CRTAP: variants seen among roughly 807,000 people sequenced by gnomAD.
CRTAP encodes the protein cartilage-associated protein.
Under a neutral mutation model 42.7 loss-of-function variants are expected in CRTAP, and 33 were observed. That is an observed-to-expected ratio of 0.77 (90% CI 0.59 to 1.03). The LOEUF (loss-of-function observed/expected upper bound fraction) is 1.03, where lower values mean the gene tolerates loss of function less well. Among genes scored for constraint, CRTAP ranks in the 50% least tolerant of loss-of-function variants. The pLI is 0.00. For missense variants in CRTAP, 613 were observed against 533.9 expected (o/e 1.15, Z -1.46); for synonymous variants, 243 against 217.7 (o/e 1.12, Z -1.02).
chr3:33,138,872 G>A (rs767611875), intron 6 of CRTAP, among the ~76,000 whole-genome samples: 4 of 152,146 alleles, frequency 2.6e-5, no homozygotes, highest in Non-Finnish European at 4.4e-5. Context: ...GCTGGGTGTG[G>A]TGGCTCACAC....
intron 4 of CRTAP, among the ~76,000 whole-genome samples, chr3:33,130,525 C>CTTTTTTTTTT (rs765558103): frequency 4.7e-3 from 261 of 55,292 alleles, no homozygotes; most frequent in Non-Finnish European, 5.9e-3. Flanking sequence ...CTTTTCTTTT[C>CTTTTTTTTTT]TTTTTTTTTT....
At chr3:33,127,099 CTTT>C (rs11302536) in intron 3 of CRTAP, among the ~76,000 whole-genome samples, 3 of 135,894 alleles carry the variant, frequency 2.2e-5, no homozygotes, top group Admixed American at 7.3e-5. Flanking sequence ...AGATTTGTGG[CTTT>C]TTTTTTTTTT....
At position 33,120,416 on chromosome 3, in the gene CRTAP, A is replaced by C. The variant is rs761859224; in HGVS notation, c.544A>C (p.Lys182Gln). Residue 182 changes from lysine (K) to glutamine (Q), a missense_variant, in exon 2 of 7, where the codon AAG (lysine) becomes CAG (glutamine). Coordinates refer to ENST00000320954, the MANE Select transcript of CRTAP (RefSeq NM_006371.5). ...LLKHPDDEMM[K>Q]RNMAYYKSLP... ...GAAGCATCCTGATGACGAAATGATG[A>C]AGAGGAACATGGCATATTATAAGAG... 3 of 1,613,968 alleles carry C rather than the reference A, an allele frequency of 1.9e-6. No homozygotes were observed. Among genetic ancestry groups the C allele is most frequent in the African/African-American group, 2.7e-5 (2 of 75,042 alleles).
chr3:33,129,628 T>C (rs1448013882), intron 3 of CRTAP, among the ~76,000 whole-genome samples: 3 of 150,322 alleles, frequency 2.0e-5, no homozygotes, highest in Admixed American at 6.6e-5. Context: ...AGCTCCACCT[T>C]CCGGGTTCAC....
intron 1 of CRTAP, among the ~76,000 whole-genome samples, chr3:33,117,325 A>C (rs1701354288): frequency 6.6e-6 from 1 of 152,080 alleles, no homozygotes; most frequent in South Asian, 2.1e-4. Context: ...TGATCACTGG[A>C]ATAGCAATGG....
chr3:33,142,362 C>T (rs1354115792), intron 6 of CRTAP, 33 bp from the exon 7 acceptor site: 10 of 1,585,406 alleles, frequency 6.3e-6, no homozygotes, highest in African/African-American at 1.3e-5. Context: ...TCCAATAGCC[C>T]ATTTAATAAA....
At position 33,143,185 on chromosome 3, in the gene CRTAP, T is replaced by G. The variant is rs2030628532; in HGVS notation, c.*737T>G. 1 of 152,284 alleles carries G rather than the reference T, an allele frequency of 6.6e-6. No homozygotes were observed. The highest frequency in any genetic ancestry group is 2.1e-4 in the South Asian group (1 of 4,838). The allele number at this position is 152,284 out of a possible 1,614,324, so 9.4% of individuals were successfully genotyped here. On this transcript the variant is annotated 3_prime_UTR_variant, in exon 7 of 7. Coordinates refer to ENST00000320954, the MANE Select transcript of CRTAP (RefSeq NM_006371.5). ...AGATGATAATTGTGAAAACCTCCTTTGGCTTATTTGCTTTTCCAGATTTTA... is the reference window on the plus strand; with the variant it reads ...AGATGATAATTGTGAAAACCTCCTTGGGCTTATTTGCTTTTCCAGATTTTA...
At chr3:33,124,700 A>G in intron 3 of CRTAP, 121 bp downstream of exon 3, 1 of 1,158,442 alleles carries the variant, frequency 8.6e-7, no homozygotes, top group East Asian at 2.3e-5. Flanking sequence ...GAGCATACTT[A>G]TTAACGGGTA....
In CRTAP at chr3:33,114,228, G is replaced by T; in HGVS notation, c.151G>T (p.Ala51Ser). 1 of 1,592,048 alleles carries T rather than the reference G, an allele frequency of 6.3e-7. No individual in the cohort carries two copies. Residue 51 changes from alanine (A) to serine (S), a missense_variant, in exon 1 of 7, where the codon GCG (alanine) becomes TCG (serine). Physicochemically the swap from Ala to Ser is moderately conservative, Grantham distance 99. Coordinates refer to ENST00000320954, the MANE Select transcript of CRTAP (RefSeq NM_006371.5). Reference sequence around the variant, plus strand: ...GCCGCTCGAGTCGGCCTACCGGCACGCGCTGGACAAGTACAGCGGCGAGCA... The same window carrying T: ...GCCGCTCGAGTCGGCCTACCGGCACTCGCTGGACAAGTACAGCGGCGAGCA... ...LMPLESAYRH[A>S]LDKYSGEHWA... is the part of the protein sequence containing the mutation.
intron 6 of CRTAP, among the ~76,000 whole-genome samples, chr3:33,138,291 G>C (rs893896530): frequency 2.6e-5 from 4 of 152,014 alleles, no homozygotes; most frequent in African/African-American, 9.7e-5. Context: ...AAGGCAGCTG[G>C]GATTTTTTTA....
At chr3:33,135,235 C>A (rs2030386441) in intron 6 of CRTAP, among the ~76,000 whole-genome samples, 1 of 152,246 alleles carries the variant, frequency 6.6e-6, no homozygotes, top group South Asian at 2.1e-4. Flanking sequence ...TGAAGCAGAG[C>A]CTGAGACAGG....
rs2030201377 is a variant in CRTAP, at chr3:33,129,952, A to T, written c.807A>T (p.Glu269Asp). The T allele has an allele frequency of 1.2e-6, 2 of 1,613,426 alleles. No individual in the cohort carries two copies. Among genetic ancestry groups the T allele is most frequent in the Middle Eastern group, 1.6e-4 (1 of 6,084 alleles). The stretch of plus-strand genomic sequence containing the variant: ...GTTTTGTTTCAGATCATTATGTAGA[A>T]GTTCTGGAATGCAAAATACAGTGTG... ...FYLSIADHYV[E>D]VLECKIQCEE... is the part of the protein sequence containing the mutation. The change falls in exon 4 of 7, where the codon GAA becomes GAT. Residue 269 changes from glutamate to aspartate, a missense_variant. Glu to Asp is a conservative substitution (Grantham distance 45). Coordinates refer to ENST00000320954, the MANE Select transcript of CRTAP (RefSeq NM_006371.5).
intron 2 of CRTAP, 30 bp from the exon 3 acceptor site, chr3:33,124,378 G>A (rs372761025): frequency 1.3e-4 from 216 of 1,613,050 alleles, no homozygotes; most frequent in Non-Finnish European, 1.5e-4. Flanking sequence ...GCCCAAGAGC[G>A]AGCTTCACTG....
At chr3:33,139,317 G>A (rs1354960232) in intron 6 of CRTAP, among the ~76,000 whole-genome samples, 3 of 151,988 alleles carry the variant, frequency 2.0e-5, no homozygotes, top group East Asian at 1.9e-4. Flanking sequence ...GAAAAAAAAA[G>A]AAGTGGAGAG....
At position 33,141,456 on chromosome 3, in the gene CRTAP, T is replaced by C. The variant is rs190591239; in HGVS notation, c.1153-939T>C. 5.8e-3 allele frequency among the ~76,000 whole-genome samples: 888 copies of C among 152,362 alleles called. 7 individuals carry two copies. Among genetic ancestry groups the C allele is most frequent in the Non-Finnish European group, 9.0e-3 (609 of 68,034 alleles). ...TGATAATACTAAGACCCCCCATTTG[T>C]GTCTCATGTACTTGATAGGTTTTCC... On this transcript the variant is annotated intron_variant, in intron 6 of 6. Coordinates refer to ENST00000320954, the MANE Select transcript of CRTAP (RefSeq NM_006371.5).
At chr3:33,125,549 A>G (rs1325405903) in intron 3 of CRTAP, among the ~76,000 whole-genome samples, 1 of 104,388 alleles carries the variant, frequency 9.6e-6, no homozygotes, top group Non-Finnish European at 1.8e-5. Flanking sequence ...GGAAAATTTC[A>G]AACATACACA....
At chr3:33,130,756 A>C (rs551442432) in intron 4 of CRTAP, among the ~76,000 whole-genome samples, 1 of 146,726 alleles carries the variant, frequency 6.8e-6, no homozygotes, top group African/African-American at 2.5e-5. Context: ...CTAGTCTTGA[A>C]CTCCTGACCT....
intron 4 of CRTAP, 132 bp from the exon 5 acceptor site, chr3:33,132,423 A>G (rs1347005066): frequency 3.1e-6 from 4 of 1,298,036 alleles, no homozygotes; most frequent in Non-Finnish European, 4.4e-6. Context: ...CAGGGCTGCC[A>G]GTCGGCCCCA....
chr3:33,120,603 T>A, intron 2 of CRTAP, 110 bp downstream of exon 2: 1 of 1,503,604 alleles, frequency 6.7e-7, no homozygotes. Context: ...TTTGGTGACA[T>A]TTGCTGAATA....
Sources: gnomAD v4.1 joint callset for allele counts (sites outside exome capture counted in the v4.1 genomes callset) on GRCh38, gnomAD v4.1.1 for gene constraint, MANE v1.5 for transcripts, NCBI Gene and HGNC (gene_info 2026-07-23, HGNC 2026-07-21) for gene names.